The following PIGN variants were observed in gnomAD, a reference collection of about 807,000 sequenced individuals.
PIGN encodes the protein phosphatidylinositol glycan anchor biosynthesis class N.
PIGN carries 117 observed loss-of-function variants against 125.4 expected under a neutral mutation model. The ratio of observed to expected loss-of-function variants is 0.93; its 90% CI spans 0.80 to 1.09. The LOEUF (loss-of-function observed/expected upper bound fraction) is 1.09, where lower values mean the gene tolerates loss of function less well. Ranked by LOEUF, PIGN falls within the 50% of genes least tolerant of loss-of-function variation. The pLI is 0.00. For synonymous variants in PIGN, 392 were observed against 377.8 expected, an observed-to-expected ratio of 1.04 and a Z score of -0.44; for missense variants, 1,075 against 1,094.9, an observed-to-expected ratio of 0.98 and a Z score of 0.26.
At position 62,055,287 on chromosome 18, in the gene PIGN, C is replaced by T. The variant is rs150493733; in HGVS notation, c.2673-9308G>A. Among the ~76,000 whole-genome samples, 241 of 152,282 alleles carry T rather than the reference C, an allele frequency of 1.6e-3. 1 individual carries two copies. Among genetic ancestry groups the T allele is most frequent in the African/African-American group, 5.4e-3 (225 of 41,562 alleles). On this transcript the variant is annotated intron_variant, in intron 30 of 30. Coordinates refer to ENST00000640252, the MANE Select transcript of PIGN (RefSeq NM_176787.5). ...AGGTGAATGATTAAACAAACTGTGGCACATCCATACCATGGATTTACTCAG... is the reference window on the plus strand; with the variant it reads ...AGGTGAATGATTAAACAAACTGTGGTACATCCATACCATGGATTTACTCAG...
At chr18:62,083,418 G>A (rs1003276885) in intron 27 of PIGN, among the ~76,000 whole-genome samples, 3 of 152,020 alleles carry the variant, frequency 2.0e-5, no homozygotes, top group African/African-American at 7.2e-5. Flanking sequence ...AAAACAGGGG[G>A]AGATATGGAA....
intron 23 of PIGN, among the ~76,000 whole-genome samples, chr18:62,094,919 C>T (rs1251735321): frequency 2.6e-5 from 4 of 152,136 alleles, no homozygotes; most frequent in African/African-American, 9.7e-5. Context: ...GGGTCTAGGT[C>T]ACTTAGGGTG....
At position 62,187,006 on chromosome 18, in the gene PIGN, C is replaced by G. The variant is rs992267907; in HGVS notation, c.-398G>C. 1 of 152,862 alleles carries G rather than the reference C, an allele frequency of 6.5e-6. No individual in the cohort carries two copies. The highest frequency in any genetic ancestry group is 6.5e-5 in the Admixed American group (1 of 15,288). The allele number at this position is 152,862 out of a possible 1,614,324, so 9.5% of individuals were successfully genotyped here. A position where few individuals can be genotyped will look rare whatever the true frequency, so the allele number is the denominator to read the frequency against. ...CACCACTACAACCACCCCTCAATTC[C>G]GGAACGCCCCCAATACCTGCCCGGC... is the stretch of plus-strand genomic sequence containing the variant. On this transcript the variant is annotated 5_prime_UTR_variant, in exon 1 of 31. Transcript: ENST00000640252.
intron 7 of PIGN, among the ~76,000 whole-genome samples, chr18:62,150,177 T>C (rs879498282): frequency 5.3e-5 from 8 of 152,182 alleles, no homozygotes; most frequent in African/African-American, 1.2e-4. Flanking sequence ...AGAGAGAGGA[T>C]ATCACCATGT....
chr18:62,167,453 G>A (rs2037187031), intron 1 of PIGN, among the ~76,000 whole-genome samples: 1 of 151,076 alleles, frequency 6.6e-6, no homozygotes, highest in Admixed American at 6.6e-5. Context: ...CCAACCTGGT[G>A]AAACCCCATC....
intron 30 of PIGN, among the ~76,000 whole-genome samples, chr18:62,054,997 T>C (rs1276890773): frequency 6.6e-6 from 1 of 152,146 alleles, no homozygotes; most frequent in Admixed American, 6.6e-5. Context: ...AAATGAGATA[T>C]CACTACACAC....
chr18:62,174,751 A>C (rs2037461751), intron 1 of PIGN, among the ~76,000 whole-genome samples: 1 of 152,022 alleles, frequency 6.6e-6, no homozygotes, highest in African/African-American at 2.4e-5. Flanking sequence ...CATTATTTTT[A>C]AAAGTGGTTT....
chr18:62,090,372 C>A, intron 24 of PIGN, 104 bp downstream of exon 24: 1 of 642,602 alleles, frequency 1.6e-6, no homozygotes, highest in Non-Finnish European at 2.6e-6. Flanking sequence ...ACTTTTAACA[C>A]TAAAATTTTA....
chr18:62,029,363 C>T (rs565145128), intron 23 of PIGN, among the ~76,000 whole-genome samples: 1 of 152,154 alleles, frequency 6.6e-6, no homozygotes, highest in Non-Finnish European at 1.5e-5. Context: ...GTCATTATAA[C>T]GGTCTCTAAC....
At position 62,134,035 on chromosome 18, in the gene PIGN, T is replaced by TC. The variant is rs200737678; in HGVS notation, c.1172+4207dup. On this transcript the variant is annotated intron_variant, in intron 14 of 30. Transcript: ENST00000640252. Reference sequence around the variant, plus strand: ...GACCCCTTGTTGTCTCTGGCTTTCCTCCCCACTCAATTTGGCTATATCACA... The same window carrying TC: ...GACCCCTTGTTGTCTCTGGCTTTCCTCCCCCACTCAATTTGGCTATATCACA... Among the ~76,000 whole-genome samples the TC allele has an allele frequency of 2.7e-3, 413 of 152,310 alleles. 4 individuals are homozygous for TC. Among genetic ancestry groups the TC allele is most frequent in the Admixed American group, 0.017 (265 of 15,300 alleles).
chr18:62,071,901 TATATATATAA>T (rs1344818337), intron 30 of PIGN, among the ~76,000 whole-genome samples: 7 of 115,496 alleles, frequency 6.1e-5, no homozygotes, highest in Non-Finnish European at 1.2e-4. Context: ...TATATATATA[TATATATATAA>T]ATTTAACTGT....
chr18:62,102,834 T>A lies in PIGN; in HGVS notation c.1928A>T (p.Asp643Val), dbSNP rs893809898. 1.3e-6 allele frequency: 2 copies of A among 1,579,336 alleles called. No individual in the cohort carries two copies. The highest frequency in any genetic ancestry group is 1.7e-4 in the Middle Eastern group (1 of 6,004). Reference sequence around the variant, plus strand: ...CAATAGCTCTTCCTTTATAAAGCTATCTTTTCTTTTCATGAGAGATGTTAC... The same window carrying A: ...CAATAGCTCTTCCTTTATAAAGCTAACTTTTCTTTTCATGAGAGATGTTAC... ...CVVTSLMKRKDSFIKEELLVH... is the reference protein window; with the variant it reads ...CVVTSLMKRKVSFIKEELLVH... The change falls in exon 21 of 31, where the codon GAT becomes GTT. Residue 643 changes from aspartate to valine, a missense_variant. By Grantham distance (152) the Asp-to-Val change is radical. This residue lies in a region of PIGN where 915 missense variants were observed against 908.7 expected (regional missense o/e 1.01). Transcript: ENST00000640252.
chr18:62,084,713 A>C (rs925659547), intron 26 of PIGN, 107 bp from the exon 27 acceptor site: 4 of 743,598 alleles, frequency 5.4e-6, no homozygotes, highest in Non-Finnish European at 9.3e-6. Flanking sequence ...CTACTTACTA[A>C]AACACAAGCA....
chr18:62,058,472 C>T (rs781744027), intron 30 of PIGN, among the ~76,000 whole-genome samples: 2 of 152,150 alleles, frequency 1.3e-5, no homozygotes, highest in Non-Finnish European at 1.5e-5. Flanking sequence ...AAGACGCAAA[C>T]GTGAATGAAT....
At chr18:62,152,778 A>T (rs1247652438) in intron 7 of PIGN, among the ~76,000 whole-genome samples, 12 of 152,168 alleles carry the variant, frequency 7.9e-5, no homozygotes, top group Non-Finnish European at 1.5e-5. Context: ...AAGAATCGTA[A>T]GTTAAACCAT....
intron 23 of PIGN, among the ~76,000 whole-genome samples, chr18:62,034,170 T>C (rs1242603635): frequency 1.3e-5 from 2 of 152,208 alleles, no homozygotes; most frequent in East Asian, 1.9e-4. Flanking sequence ...ATAGATAAAA[T>C]AGCAAACATT....
chr18:62,160,666 C>T (rs1304182209), intron 4 of PIGN, among the ~76,000 whole-genome samples: 1 of 152,050 alleles, frequency 6.6e-6, no homozygotes, highest in African/African-American at 2.4e-5. Flanking sequence ...TGCCACCACC[C>T]CCAGCTAATT....
At chr18:62,083,695 A>G (rs1224324362) in intron 27 of PIGN, among the ~76,000 whole-genome samples, 1 of 152,138 alleles carries the variant, frequency 6.6e-6, no homozygotes, top group African/African-American at 2.4e-5. Flanking sequence ...GGGAAAAAAA[A>G]CCATTTAAAA....
intron 30 of PIGN, among the ~76,000 whole-genome samples, chr18:62,054,956 A>C (rs555815241): frequency 6.6e-6 from 1 of 152,344 alleles, no homozygotes; most frequent in African/African-American, 2.4e-5. Context: ...AAAGTGTTCA[A>C]CATCATTAAC....
Sources: allele counts gnomAD v4.1 joint callset (sites outside exome capture counted in the v4.1 genomes callset), GRCh38; gene constraint gnomAD v4.1.1; regional missense constraint gnomAD v4.1.1; transcripts MANE v1.5; gene names NCBI Gene and HGNC (gene_info 2026-07-23, HGNC 2026-07-21).